The following PAPSS2 variants were observed in gnomAD, a reference collection of about 807,000 sequenced individuals.
PAPSS2 encodes bifunctional 3'-phosphoadenosine 5'-phosphosulfate synthase 2.
In PAPSS2, 61 loss-of-function variants were observed where a neutral mutation model predicts 66.5. The observed-to-expected ratio is 0.92, with a 90% confidence interval of 0.75 to 1.14. The LOEUF is 1.14. Ranked by LOEUF, PAPSS2 falls within the 50% of genes most tolerant of loss-of-function variation. PAPSS2 has a pLI of 0.00. For synonymous variants in PAPSS2, 289 were observed against 287.5 expected, an observed-to-expected ratio of 1.01 and a Z score of -0.05; for missense variants, 708 against 789.6, an observed-to-expected ratio of 0.90 and a Z score of 1.24.
At chr10:87,671,992 T>A (rs117246772) in intron 1 of PAPSS2, among the ~76,000 whole-genome samples, 1 of 152,348 alleles carries the variant, frequency 6.6e-6, no homozygotes, top group Non-Finnish European at 1.5e-5. Flanking sequence ...GGAGTTCCTC[T>A]GGGCATGCAT....
chr10:87,715,963 T>C, intron 7 of PAPSS2, 120 bp downstream of exon 7: 4 of 723,998 alleles, frequency 5.5e-6, no homozygotes, highest in Non-Finnish European at 7.6e-6. Flanking sequence ...CAAAACTGTT[T>C]GGATCATTTA....
At chr10:87,721,202 G>C (rs971768697) in intron 7 of PAPSS2, among the ~76,000 whole-genome samples, 2 of 152,174 alleles carry the variant, frequency 1.3e-5, no homozygotes, top group African/African-American at 2.4e-5. Flanking sequence ...TATTAGAAAG[G>C]TTAAATAACT....
intron 1 of PAPSS2, among the ~76,000 whole-genome samples, chr10:87,674,593 A>G (rs1852921147): frequency 6.6e-6 from 1 of 152,198 alleles, no homozygotes; most frequent in Non-Finnish European, 1.5e-5. Context: ...AGATACTTTA[A>G]TATCAGATTA....
intron 8 of PAPSS2, among the ~76,000 whole-genome samples, chr10:87,724,652 C>T (rs1297818324): frequency 1.6e-5 from 2 of 122,472 alleles, no homozygotes; most frequent in Non-Finnish European, 3.2e-5. Flanking sequence ...TATATATATA[C>T]ATTATTTTAA....
chr10:87,707,034 G>A (rs944802194), intron 1 of PAPSS2, among the ~76,000 whole-genome samples: 5 of 152,140 alleles, frequency 3.3e-5, no homozygotes, highest in African/African-American at 1.2e-4. Flanking sequence ...ATCCCACTGT[G>A]CCTTTAACCA....
chr10:87,729,048 A>C (rs976223773), intron 9 of PAPSS2, among the ~76,000 whole-genome samples: 1 of 151,868 alleles, frequency 6.6e-6, no homozygotes, highest in African/African-American at 2.4e-5. Context: ...ATCTTTACTC[A>C]GTGACTGAAA....
rs1344286004 is a variant in PAPSS2, at chr10:87,747,578, G to A, written c.*1608G>A. ...GAGACAGGATTATAGTGCCTTAACC[G>A]ATATATTTTGTGACTTAAAAAATAC... On this transcript the variant is annotated 3_prime_UTR_variant, in exon 13 of 13. Coordinates refer to ENST00000456849, the MANE Select transcript of PAPSS2 (RefSeq NM_001015880.2). The A allele has an allele frequency of 3.3e-5, 5 of 151,424 alleles. No individual in the cohort carries two copies. Among genetic ancestry groups the A allele is most frequent in the Non-Finnish European group, 5.9e-5 (4 of 67,870 alleles). The allele number at this position is 151,424 out of a possible 1,614,324, so 9.4% of individuals were successfully genotyped here.
At chr10:87,728,018 T>C (rs574048361) in intron 9 of PAPSS2, among the ~76,000 whole-genome samples, 4 of 152,304 alleles carry the variant, frequency 2.6e-5, no homozygotes, top group African/African-American at 9.6e-5. Context: ...TGGCAGAGTT[T>C]CCAGAGGAAA....
chr10:87,659,886 CTGCTGCT>C lies in PAPSS2; in HGVS notation c.-95_-89del. The C allele has an allele frequency of 2.4e-6, 3 of 1,225,452 alleles. No homozygotes were observed. The African/African-American group carries it at 4.5e-5, about 18-fold the overall frequency. The allele number at this position is 1,225,452 out of a possible 1,614,324, so 75.9% of individuals were successfully genotyped here. ...CTTCCCGGGAGTCCGGCAGCCGCTG[CTGCTGCT>C]GCTGCTGCTGCTGCCGCCGCCGCCG... On this transcript the variant is annotated 5_prime_UTR_variant, in exon 1 of 13. Transcript: ENST00000456849.
chr10:87,668,534 T>G (rs1449917841), intron 1 of PAPSS2, among the ~76,000 whole-genome samples: 1 of 152,214 alleles, frequency 6.6e-6, no homozygotes, highest in Non-Finnish European at 1.5e-5. Flanking sequence ...GCCCAGTAAG[T>G]CTTGCAGTGG....
At position 87,745,981 on chromosome 10, in the gene PAPSS2, CCA is replaced by C. The variant is rs1231150034; in HGVS notation, c.*12_*13del. 6.2e-7 allele frequency: 1 copy of C among 1,613,406 alleles called. No individual in the cohort carries two copies. Among genetic ancestry groups the C allele is most frequent in the African/African-American group, 1.3e-5 (1 of 74,878 alleles). ...CTGGAGAAGAACTAAGCCTTTGGCT[CCA>C]GAGTTTCTTTCTGAAGTGCTCTTTG... On this transcript the variant is annotated 3_prime_UTR_variant, in exon 13 of 13. Transcript: ENST00000456849.
intron 1 of PAPSS2, among the ~76,000 whole-genome samples, chr10:87,706,681 C>T (rs574610969): frequency 2.4e-4 from 37 of 151,996 alleles, no homozygotes; most frequent in African/African-American, 6.3e-4. Flanking sequence ...ATAGCTGGAT[C>T]CTGGGAGTTC....
At chr10:87,704,499 C>T (rs1853357847) in intron 1 of PAPSS2, among the ~76,000 whole-genome samples, 1 of 152,168 alleles carries the variant, frequency 6.6e-6, no homozygotes, top group Admixed American at 6.5e-5. Flanking sequence ...AGTGGATGTT[C>T]ATGTGCACAG....
chr10:87,662,374 A>C (rs1020700542), intron 1 of PAPSS2, among the ~76,000 whole-genome samples: 11 of 152,118 alleles, frequency 7.2e-5, no homozygotes, highest in African/African-American at 2.7e-4. Flanking sequence ...TAAATGAGAG[A>C]GTGTAGGATG....
At chr10:87,716,090 C>T (rs976604130) in intron 7 of PAPSS2, among the ~76,000 whole-genome samples, 1 of 152,132 alleles carries the variant, frequency 6.6e-6, no homozygotes, top group Non-Finnish European at 1.5e-5. Flanking sequence ...AAGAGAAAGA[C>T]AGGTCTGTTT....
Position 87,713,274 on chromosome 10 carries a change from G to C in PAPSS2, c.345G>C (p.Leu115=). The C allele has an allele frequency of 6.7e-7, 1 of 1,496,740 alleles. No individual in the cohort carries two copies. Among genetic ancestry groups the C allele is most frequent in the Non-Finnish European group, 9.1e-7 (1 of 1,100,406 alleles). The allele number at this position is 1,496,740 out of a possible 1,614,324, so 92.7% of individuals were successfully genotyped here. A position where few individuals can be genotyped will look rare whatever the true frequency, so the allele number is the denominator to read the frequency against. Residue 115 remains leucine (L), a synonymous_variant, in exon 3 of 13, where the codon CTG becomes CTC. Coordinates refer to ENST00000456849, the MANE Select transcript of PAPSS2 (RefSeq NM_001015880.2). ...EVAKLFADAG[L]VCITSFISPF... ...CTAAGCTGTTTGCTGATGCTGGTCT[G>C]GTCTGCATTACCAGCTTTATTTCTC... is the stretch of plus-strand genomic sequence containing the variant.
At chr10:87,713,342 C>T (rs781288638) in intron 3 of PAPSS2, 32 bp downstream of exon 3, 38 of 1,023,164 alleles carry the variant, frequency 3.7e-5, no homozygotes, top group African/African-American at 5.8e-5. Flanking sequence ...AAAGGCACTA[C>T]ACACGATTCC....
chr10:87,672,429 G>A (rs1003517434), intron 1 of PAPSS2, among the ~76,000 whole-genome samples: 9 of 152,172 alleles, frequency 5.9e-5, no homozygotes, highest in African/African-American at 1.9e-4. Flanking sequence ...ACTAATATGT[G>A]ATCCTTGGAG....
rs80152655 is a variant in PAPSS2, at chr10:87,686,680, C to T, written c.28-22516C>T. ...CAGAACTGGTTGTCGACTCATGAGA[C>T]GACACTTACTGTTGTCCCATGATTT... On this transcript the variant is annotated intron_variant, in intron 1 of 12. Coordinates refer to ENST00000456849, the MANE Select transcript of PAPSS2 (RefSeq NM_001015880.2). 7.4e-4 allele frequency among the ~76,000 whole-genome samples: 113 copies of T among 152,268 alleles called. No individual in the cohort carries two copies. In the East Asian group the frequency reaches 0.016, roughly 22 times the overall value.
Sources: allele counts gnomAD v4.1 joint callset (sites outside exome capture counted in the v4.1 genomes callset), GRCh38; gene constraint gnomAD v4.1.1; transcripts MANE v1.5; gene names NCBI Gene and HGNC (gene_info 2026-07-23, HGNC 2026-07-21).